MYO18B: variants seen among roughly 807,000 people sequenced by gnomAD.
The protein encoded by MYO18B is myosin XVIIIB.
Under a neutral mutation model 273.0 loss-of-function variants are expected in MYO18B, and 204 were observed. The observed-to-expected ratio is 0.75, with a 90% CI of 0.67 to 0.84. The LOEUF is 0.84. Among genes scored for constraint, MYO18B ranks in the 40% least tolerant of loss-of-function variants. The probability of loss-of-function intolerance (pLI) is 0.00; values close to 1 mark genes in which losing one functional copy is unlikely to be tolerated. For missense variants in MYO18B, 3,212 were observed against 3,287.6 expected (o/e 0.98, Z 0.56); for synonymous variants, 1,330 against 1,305.7 (o/e 1.02, Z -0.40).
chr22:25,848,759 C>A (rs2090333933), intron 20 of MYO18B, among the ~76,000 whole-genome samples: 2 of 152,196 alleles, frequency 1.3e-5, no homozygotes, highest in Non-Finnish European at 2.9e-5. Flanking sequence ...CACACTGACT[C>A]CCCTCTCTGA....
intron 2 of MYO18B, among the ~76,000 whole-genome samples, chr22:25,761,590 A>G (rs1006871661): frequency 1.3e-5 from 2 of 152,114 alleles, no homozygotes; most frequent in African/African-American, 4.8e-5. Flanking sequence ...TCTCCTCCCC[A>G]GATATTCCTT....
chr22:26,037,673 G>A, the MYO18B span, among the ~76,000 whole-genome samples: 6 of 152,194 alleles, frequency 3.9e-5, no homozygotes, highest in Admixed American at 6.5e-5. Flanking sequence ...CTCAAAAATG[G>A]GGTGGGGTAA....
At chr22:25,794,902 G>T (rs1052662193) in intron 11 of MYO18B, among the ~76,000 whole-genome samples, 15 of 152,148 alleles carry the variant, frequency 9.9e-5, no homozygotes, top group Admixed American at 2.0e-4. Flanking sequence ...CCCCTCCCAG[G>T]CAATCTCCAT....
At chr22:25,871,589 G>A (rs1365907157) in intron 22 of MYO18B, among the ~76,000 whole-genome samples, 1 of 152,070 alleles carries the variant, frequency 6.6e-6, no homozygotes, top group African/African-American at 2.4e-5. Context: ...TAAAAGTGGG[G>A]CTTTGGGGAT....
intron 34 of MYO18B, among the ~76,000 whole-genome samples, chr22:25,929,293 G>C (rs1453267186): frequency 6.6e-6 from 1 of 152,076 alleles, no homozygotes; most frequent in Non-Finnish European, 1.5e-5. Context: ...AGACCTCTTG[G>C]AACAGGTAGG....
chr22:25,983,880 G>A (rs2093173780), intron 39 of MYO18B, among the ~76,000 whole-genome samples: 1 of 152,200 alleles, frequency 6.6e-6, no homozygotes, highest in African/African-American at 2.4e-5. Context: ...TTTTTGTCCA[G>A]CCCTAGGTTG....
At chr22:25,866,495 G>A (rs2090890101) in intron 21 of MYO18B, among the ~76,000 whole-genome samples, 1 of 152,046 alleles carries the variant, frequency 6.6e-6, no homozygotes, top group African/African-American at 2.4e-5. Context: ...CTCTGGTTTG[G>A]GTGTTTATTC....
intron 12 of MYO18B, among the ~76,000 whole-genome samples, chr22:25,811,132 G>C (rs955932246): frequency 1.9e-4 from 29 of 151,326 alleles, no homozygotes; most frequent in African/African-American, 6.6e-4. Flanking sequence ...TCCTGCCTCA[G>C]CCTCCCGAGT....
chr22:25,769,977 T>C, intron 4 of MYO18B, 133 bp from the exon 5 acceptor site: 1 of 893,712 alleles, frequency 1.1e-6, no homozygotes, highest in Non-Finnish European at 1.8e-6. Context: ...ATAAGCACAC[T>C]CCCTCTCCTG....
chr22:25,913,450 G>A (rs1455443244), intron 33 of MYO18B, among the ~76,000 whole-genome samples: 3 of 152,164 alleles, frequency 2.0e-5, no homozygotes, highest in Non-Finnish European at 2.9e-5. Flanking sequence ...TGCAAGCTCC[G>A]CTTCCTGGGT....
intron 6 of MYO18B, among the ~76,000 whole-genome samples, chr22:25,771,766 G>A (rs559380647): frequency 6.6e-6 from 1 of 152,230 alleles, no homozygotes; most frequent in Non-Finnish European, 1.5e-5. Flanking sequence ...TGAAGCTGGA[G>A]AGAATAATAG....
chr22:25,888,089 C>T (rs919748007), intron 25 of MYO18B, among the ~76,000 whole-genome samples: 1 of 152,082 alleles, frequency 6.6e-6, no homozygotes, highest in African/African-American at 2.4e-5. Flanking sequence ...CAAATCTAAC[C>T]CCTTCAAATC....
chr22:25,879,929 A>G (rs1033944163), intron 25 of MYO18B, among the ~76,000 whole-genome samples: 1 of 152,134 alleles, frequency 6.6e-6, no homozygotes, highest in African/African-American at 2.4e-5. Flanking sequence ...GTGGGAACGC[A>G]CTCACTATCA....
At chr22:25,885,516 T>G (rs961129430) in intron 25 of MYO18B, among the ~76,000 whole-genome samples, 3 of 152,094 alleles carry the variant, frequency 2.0e-5, no homozygotes, top group Non-Finnish European at 4.4e-5. Context: ...CAGAACCTGG[T>G]CTGGCAGGTG....
chr22:26,057,325 CATA>C, the MYO18B span, among the ~76,000 whole-genome samples: 1 of 152,102 alleles, frequency 6.6e-6, no homozygotes, highest in African/African-American at 2.4e-5. Flanking sequence ...CTAAAATAAT[CATA>C]ATATCAATAA....
At chr22:26,005,832 G>T (rs1934372076) in intron 42 of MYO18B, among the ~76,000 whole-genome samples, 1 of 152,086 alleles carries the variant, frequency 6.6e-6, no homozygotes, top group Non-Finnish European at 1.5e-5. Flanking sequence ...TAAACTTTTG[G>T]GCATATTTGG....
At position 25,992,214 on chromosome 22, in the gene MYO18B, G is replaced by T. The variant is rs148574567; in HGVS notation, c.6157-149G>T. The T allele has an allele frequency of 1.7e-3, 1,523 of 884,406 alleles. 1 individual carries two copies. Among genetic ancestry groups the T allele is most frequent in the Non-Finnish European group, 2.2e-3 (1,290 of 582,624 alleles). 54.8% of individuals were successfully genotyped at this position (884,406 alleles called of 1,614,324 possible). A position where few individuals can be genotyped will look rare whatever the true frequency, so the allele number is the denominator to read the frequency against. Reference sequence around the variant, plus strand: ...GGTTGAGGATCCCATAAATCTGTCCGCAGAGAGAGCCTCTCACGGAGAACT... The same window carrying T: ...GGTTGAGGATCCCATAAATCTGTCCTCAGAGAGAGCCTCTCACGGAGAACT... On this transcript the variant is annotated intron_variant, in intron 39 of 43. Coordinates refer to ENST00000335473, the MANE Select transcript of MYO18B (RefSeq NM_032608.7).
chr22:26,062,040 T>C, the MYO18B span, among the ~76,000 whole-genome samples: 1 of 152,318 alleles, frequency 6.6e-6, no homozygotes, highest in South Asian at 2.1e-4. Flanking sequence ...GCATGGAACT[T>C]TTCTTCTCTG....
chr22:25,980,808 C>T (rs889332056), intron 39 of MYO18B, among the ~76,000 whole-genome samples: 1 of 152,116 alleles, frequency 6.6e-6, no homozygotes, highest in East Asian at 1.9e-4. Context: ...AACAAAGTGC[C>T]ACCAACTGCA....
Sources: allele counts gnomAD v4.1 joint callset (sites outside exome capture counted in the v4.1 genomes callset), GRCh38; gene constraint gnomAD v4.1.1; transcripts MANE v1.5; gene names NCBI Gene and HGNC (gene_info 2026-07-23, HGNC 2026-07-21).